Variants in USH2A observed in about 807,000 individuals in gnomAD.
USH2A encodes Usher syndrome 2A (autosomal recessive, mild).
Under a neutral mutation model 538.9 loss-of-function variants are expected in USH2A, and 443 were observed. That is an observed-to-expected ratio of 0.82 (90% CI 0.76 to 0.89). USH2A has a LOEUF of 0.89. USH2A is among the 40% of genes least tolerant of loss of function. The pLI is 0.00. For synonymous variants in USH2A, 2,413 were observed against 2,273.5 expected (o/e 1.06, Z -1.75); for missense variants, 6,633 against 6,324.8 (o/e 1.05, Z -1.65).
intron 21 of USH2A, among the ~76,000 whole-genome samples, chr1:216,130,209 ATGAG>A (rs150188463): frequency 2.0e-5 from 3 of 151,998 alleles, no homozygotes; most frequent in East Asian, 1.9e-4. Context: ...GTTTGGTTAC[ATGAG>A]TAAGTTCTTT....
intron 25 of USH2A, among the ~76,000 whole-genome samples, chr1:216,084,116 T>C (rs977738121): frequency 2.0e-5 from 3 of 151,936 alleles, no homozygotes; most frequent in Admixed American, 6.6e-5. Flanking sequence ...TGGGTGGAAG[T>C]CTCTGCTCTG....
At chr1:215,984,677 G>A (rs1667830473) in intron 35 of USH2A, among the ~76,000 whole-genome samples, 2 of 152,158 alleles carry the variant, frequency 1.3e-5, no homozygotes, top group Admixed American at 1.3e-4. Flanking sequence ...TTTAATACAA[G>A]GTATCTCTAT....
At chr1:215,823,958 A>G (rs1295220073) in intron 47 of USH2A, among the ~76,000 whole-genome samples, 3 of 152,068 alleles carry the variant, frequency 2.0e-5, no homozygotes, top group African/African-American at 4.8e-5. Flanking sequence ...CTTGGTGATC[A>G]TGAGTTTCCT....
At chr1:216,243,582 T>C (rs1358606570) in intron 13 of USH2A, among the ~76,000 whole-genome samples, 1 of 152,154 alleles carries the variant, frequency 6.6e-6, no homozygotes, top group African/African-American at 2.4e-5. Context: ...GTAGAACTGA[T>C]ACAGGCTCCA....
intron 60 of USH2A, among the ~76,000 whole-genome samples, chr1:215,732,130 T>C (rs905759203): frequency 6.6e-6 from 1 of 152,244 alleles, no homozygotes; most frequent in African/African-American, 2.4e-5. Flanking sequence ...ATCTCAACAG[T>C]TTACGTAAGA....
rs796526572 is a variant in USH2A at position 216,386,533 on chromosome 1, C to T, written c.652-21448G>A. ...CAAACAAACAAACAAAAAACAAAAA[C>T]CAAAAAACTATATATATATATATAT... On this transcript the variant is annotated intron_variant, in intron 3 of 71. Transcript: ENST00000307340. Among the ~76,000 whole-genome samples, 8 of 79,088 alleles carry T rather than the reference C, an allele frequency of 1.0e-4. No homozygotes were observed. The South Asian group carries it at 3.8e-3, about 38-fold the overall frequency. The allele number at this position is 79,088 out of a possible 152,430, so 51.9% of individuals were successfully genotyped here. A position where few individuals can be genotyped will look rare whatever the true frequency, so the allele number is the denominator to read the frequency against.
At chr1:215,855,068 A>T (rs1368666034) in intron 44 of USH2A, among the ~76,000 whole-genome samples, 1 of 152,174 alleles carries the variant, frequency 6.6e-6, no homozygotes, top group Non-Finnish European at 1.5e-5. Flanking sequence ...CTCTCTTACC[A>T]TCCCTATCTG....
chr1:216,056,404 T>C (rs2030975338), intron 30 of USH2A, among the ~76,000 whole-genome samples: 1 of 152,202 alleles, frequency 6.6e-6, no homozygotes, highest in African/African-American at 2.4e-5. Context: ...TATTCCATTG[T>C]ACAGAGGAGG....
chr1:215,706,743 G>A lies in USH2A; in HGVS notation c.12066+21287C>T, dbSNP rs192701055. Among the ~76,000 whole-genome samples the A allele has an allele frequency of 2.0e-4, 31 of 152,226 alleles. No individual in the cohort carries two copies. The East Asian group carries it at 6.0e-3, about 29-fold the overall frequency. On this transcript the variant is annotated intron_variant, in intron 61 of 71. Coordinates refer to ENST00000307340, the MANE Select transcript of USH2A (RefSeq NM_206933.4). ...CAGTTAATATTGGAATTAAATTAAA[G>A]CATTAAGTCAACCAGCTTAGTGCAA...
intron 30 of USH2A, among the ~76,000 whole-genome samples, chr1:216,051,878 C>G (rs1003788197): frequency 6.6e-6 from 1 of 152,146 alleles, no homozygotes; most frequent in Non-Finnish European, 1.5e-5. Flanking sequence ...TATACTAAGA[C>G]ATTTCTTTCC....
intron 47 of USH2A, 89 bp from the exon 48 acceptor site, chr1:215,817,284 T>C: frequency 2.5e-6 from 2 of 793,198 alleles, no homozygotes; most frequent in Non-Finnish European, 2.0e-6. Context: ...CAGCAATAGA[T>C]ACTAATATAT....
chr1:215,759,460 A>G (rs1660914005), intron 57 of USH2A, among the ~76,000 whole-genome samples, 200 bp downstream of exon 57: 1 of 152,062 alleles, frequency 6.6e-6, no homozygotes, highest in Non-Finnish European at 1.5e-5. Flanking sequence ...CAAACAGAAG[A>G]CGAATTATTT....
chr1:215,779,746 AC>A (rs1661566434), intron 55 of USH2A, 96 bp downstream of exon 55: 2 of 1,423,930 alleles, frequency 1.4e-6, no homozygotes, highest in African/African-American at 2.8e-5. Context: ...TTTCGAAGTG[AC>A]CTCATATATC....
At chr1:216,089,287 G>T in intron 22 of USH2A, 148 bp from the exon 23 acceptor site, 1 of 860,994 alleles carries the variant, frequency 1.2e-6, no homozygotes, top group Non-Finnish European at 1.9e-6. Flanking sequence ...CAAAATTAAA[G>T]CTGATGTCTA....
At chr1:215,928,863 G>A (rs1666298273) in intron 38 of USH2A, among the ~76,000 whole-genome samples, 1 of 152,048 alleles carries the variant, frequency 6.6e-6, no homozygotes, top group Non-Finnish European at 1.5e-5. Flanking sequence ...AAACAGAATG[G>A]AATTCAGTAG....
intron 13 of USH2A, among the ~76,000 whole-genome samples, chr1:216,242,588 GA>G (rs2035960543): frequency 6.6e-6 from 1 of 151,964 alleles, no homozygotes; most frequent in Non-Finnish European, 1.5e-5. Flanking sequence ...AATATAAAAA[GA>G]AACAGGTTGA....
At chr1:215,681,605 C>T (rs1345299943) in intron 61 of USH2A, among the ~76,000 whole-genome samples, 1 of 152,064 alleles carries the variant, frequency 6.6e-6, no homozygotes, top group Non-Finnish European at 1.5e-5. Context: ...GTGGGGGCAT[C>T]CAAATATCAT....
rs55958016 is a variant in USH2A, at chr1:216,000,489, C to A, written c.6399G>T (p.Trp2133Cys). The part of the protein sequence containing the change: ...CTHVGCTNSS[W>C]VLLYTAQLPP... Reference sequence around the variant, plus strand: ...GCAGCTGTGCTGTGTACAGTAGGACCCAGGAACTGTTTGTACAGCCCACAT... The same window carrying A: ...GCAGCTGTGCTGTGTACAGTAGGACACAGGAACTGTTTGTACAGCCCACAT... Residue 2133 changes from tryptophan (W) to cysteine (C), a missense_variant, in exon 33 of 72, where the codon TGG (tryptophan) becomes TGT (cysteine). Transcript: ENST00000307340. The A allele has an allele frequency of 2.5e-6, 4 of 1,613,482 alleles. No homozygotes were observed. Among genetic ancestry groups the A allele is most frequent in the African/African-American group, 2.7e-5 (2 of 74,848 alleles).
intron 71 of USH2A, among the ~76,000 whole-genome samples, chr1:215,627,710 GAGACGAGGTTTCA>G (rs1656108983): frequency 6.6e-6 from 1 of 151,980 alleles, no homozygotes; most frequent in African/African-American, 2.4e-5. Context: ...ATTTTTGGTA[GAGACGAGGTTTCA>G]CCATGTTGGT....
Sources: gnomAD v4.1 joint callset for allele counts (sites outside exome capture counted in the v4.1 genomes callset) on GRCh38, gnomAD v4.1.1 for gene constraint, MANE v1.5 for transcripts, NCBI Gene and HGNC (gene_info 2026-07-23, HGNC 2026-07-21) for gene names.